SOAT1: variants seen among roughly 807,000 people sequenced by gnomAD.
The protein encoded by SOAT1 is acyl-coenzyme A:cholesterol acyltransferase 1.
Under a neutral mutation model 69.5 loss-of-function variants are expected in SOAT1, and 55 were observed. The observed-to-expected ratio is 0.79, with a 90% CI of 0.64 to 0.99. SOAT1 has a LOEUF of 0.99. Ranked by LOEUF, SOAT1 falls within the 50% of genes least tolerant of loss-of-function variation. SOAT1 has a pLI of 0.00. For missense variants in SOAT1, 580 were observed against 669.3 expected, an observed-to-expected ratio of 0.87 and a Z score of 1.47; for synonymous variants, 231 against 224.7, an observed-to-expected ratio of 1.03 and a Z score of -0.25.
intron 13 of SOAT1, 144 bp from the exon 14 acceptor site, chr1:179,350,152 G>A: frequency 1.7e-6 from 1 of 603,116 alleles, no homozygotes; most frequent in Non-Finnish European, 2.8e-6. Flanking sequence ...TATTTTAATA[G>A]ACTTGGATTA....
At chr1:179,353,521 A>C in intron 15 of SOAT1, 64 bp from the exon 16 acceptor site, 45 of 1,328,576 alleles carry the variant, frequency 3.4e-5, no homozygotes, top group Non-Finnish European at 4.2e-5. Context: ...ATCCCTGCCT[A>C]TCTCCACACC....
intron 2 of SOAT1, among the ~76,000 whole-genome samples, chr1:179,310,208 A>AT (rs35647660): frequency 0.48 from 71,290 of 149,914 alleles, 17,930 homozygotes; most frequent in East Asian, 0.84. Flanking sequence ...CTGCTTATAG[A>AT]TATTTTTTTT....
At chr1:179,328,309 A>G (rs753610311) in intron 3 of SOAT1, among the ~76,000 whole-genome samples, 2 of 152,248 alleles carry the variant, frequency 1.3e-5, no homozygotes, top group Non-Finnish European at 2.9e-5. Context: ...TGGTTTATTT[A>G]GGCATAAAAG....
chr1:179,330,065 G>A (rs539209219), intron 3 of SOAT1, among the ~76,000 whole-genome samples: 1 of 152,252 alleles, frequency 6.6e-6, no homozygotes, highest in South Asian at 2.1e-4. Flanking sequence ...TGAGACAGTG[G>A]TAAAGCAGTA....
At chr1:179,296,580 T>G (rs1558033047) in intron 1 of SOAT1, among the ~76,000 whole-genome samples, 1 of 152,238 alleles carries the variant, frequency 6.6e-6, no homozygotes. Flanking sequence ...GTTTTGCTAA[T>G]TACTTAAAGA....
At chr1:179,315,673 C>G (rs1207401077) in intron 2 of SOAT1, among the ~76,000 whole-genome samples, 1 of 152,170 alleles carries the variant, frequency 6.6e-6, no homozygotes, top group Non-Finnish European at 1.5e-5. Context: ...GTGGGGTCTT[C>G]AGAGACTCTG....
chr1:179,325,599 A>AAG (rs1300704506), intron 3 of SOAT1, among the ~76,000 whole-genome samples: 1 of 152,108 alleles, frequency 6.6e-6, no homozygotes, highest in Non-Finnish European at 1.5e-5. Flanking sequence ...AAGAACACAA[A>AAG]AACATATTAT....
At chr1:179,339,702 T>C (rs952397561) in intron 6 of SOAT1, among the ~76,000 whole-genome samples, 157 bp downstream of exon 6, 13 of 152,230 alleles carry the variant, frequency 8.5e-5, no homozygotes, top group Non-Finnish European at 1.2e-4. Context: ...GTTTAACTGA[T>C]GGAGAAAATT....
intron 2 of SOAT1, among the ~76,000 whole-genome samples, chr1:179,304,862 G>A (rs1448297272): frequency 2.6e-5 from 4 of 151,832 alleles, no homozygotes; most frequent in African/African-American, 4.8e-5. Flanking sequence ...TGGCCAGGCT[G>A]GTCTTGAACT....
intron 3 of SOAT1, among the ~76,000 whole-genome samples, chr1:179,334,158 T>C (rs1326892371): frequency 1.3e-5 from 2 of 152,220 alleles, no homozygotes; most frequent in African/African-American, 2.4e-5. Context: ...GCCTGCTGCC[T>C]GGGAGTAGTC....
At chr1:179,352,165 A>T (rs1425291144) in intron 15 of SOAT1, among the ~76,000 whole-genome samples, 1 of 142,226 alleles carries the variant, frequency 7.0e-6, no homozygotes, top group African/African-American at 2.6e-5. Flanking sequence ...TCTTGATTCT[A>T]TTTTTGTTTT....
chr1:179,335,032 AAAAAAG>A (rs1210470087), intron 3 of SOAT1, among the ~76,000 whole-genome samples: 3 of 151,600 alleles, frequency 2.0e-5, no homozygotes, highest in Admixed American at 6.6e-5. Flanking sequence ...AAAAAAAAAA[AAAAAAG>A]AAAGAAAAAA....
chr1:179,319,652 T>C (rs1273920792), intron 2 of SOAT1, among the ~76,000 whole-genome samples: 1 of 152,216 alleles, frequency 6.6e-6, no homozygotes, highest in Non-Finnish European at 1.5e-5. Flanking sequence ...AGTCTTGCTC[T>C]GTAGCCCAGG....
chr1:179,306,830 C>CAAAAAAA (rs11461908), intron 2 of SOAT1, among the ~76,000 whole-genome samples: 1 of 96,628 alleles, frequency 1.0e-5, no homozygotes, highest in Non-Finnish European at 1.9e-5. Context: ...GACTCCATCT[C>CAAAAAAA]AAAAAAAAAA....
chr1:179,307,589 T>C (rs1665050618), intron 2 of SOAT1, among the ~76,000 whole-genome samples: 1 of 147,872 alleles, frequency 6.8e-6, no homozygotes, highest in Admixed American at 6.7e-5. Context: ...TCTTAACTAC[T>C]GGAAGATTTG....
chr1:179,340,188 T>A (rs1471628506), intron 6 of SOAT1, among the ~76,000 whole-genome samples: 1 of 152,242 alleles, frequency 6.6e-6, no homozygotes, highest in East Asian at 1.9e-4. Context: ...TTGATATTTC[T>A]TTTTAATGTG....
chr1:179,314,988 A>T (rs1369519949), intron 2 of SOAT1, among the ~76,000 whole-genome samples: 1 of 152,194 alleles, frequency 6.6e-6, no homozygotes, highest in African/African-American at 2.4e-5. Context: ...TAAGTTTCAG[A>T]TAGCAAATAA....
At position 179,342,108 on chromosome 1, in the gene SOAT1, T is replaced by C. The variant is rs373613122; in HGVS notation, c.781-6T>C. The C allele has an allele frequency of 2.9e-5, 46 of 1,613,542 alleles. No homozygotes were observed. The South Asian group carries it at 3.1e-4, about 11-fold the overall frequency. ...AAGAGACATCTTTTTCCTCCTGCTT[T>C]TGTAGATTCGTTTTGTAATGAAGGC... On this transcript the variant is annotated splice_region_variant and splice_polypyrimidine_tract_variant and intron_variant, in intron 7 of 15. Coordinates refer to ENST00000367619, the MANE Select transcript of SOAT1 (RefSeq NM_003101.6).
chr1:179,327,327 G>A (rs1665827449), intron 3 of SOAT1, among the ~76,000 whole-genome samples: 2 of 152,040 alleles, frequency 1.3e-5, no homozygotes, highest in African/African-American at 2.4e-5. Context: ...TTTGTGTCAT[G>A]TTCCTCCCAG....
Sources: allele counts gnomAD v4.1 joint callset (sites outside exome capture counted in the v4.1 genomes callset), GRCh38; gene constraint gnomAD v4.1.1; transcripts MANE v1.5; gene names NCBI Gene and HGNC (gene_info 2026-07-23, HGNC 2026-07-21).